The following UPF1 variants were observed in gnomAD, a reference collection of about 807,000 sequenced individuals.
UPF1 encodes the protein UPF1 RNA helicase and ATPase.
In UPF1, 9 loss-of-function variants were observed where a neutral mutation model predicts 129.2. That is an observed-to-expected ratio of 0.07 (90% CI 0.04 to 0.12). The LOEUF (loss-of-function observed/expected upper bound fraction) is 0.12. UPF1 is among the 10% of genes least tolerant of loss of function. The pLI is 1.00. For missense variants in UPF1, 788 were observed against 1,525.3 expected, an observed-to-expected ratio of 0.52 and a Z score of 8.05; for synonymous variants, 649 against 644.9, an observed-to-expected ratio of 1.01 and a Z score of -0.10.
Position 18,864,112 on chromosome 19 carries a change from T to G in UPF1, c.2776-58T>G. On this transcript the variant is annotated intron_variant, in intron 19 of 23. Transcript: ENST00000262803. ...GCCACCTCCCAGGCCACCGGGCCCG[T>G]GGGAAGTTGTTCCTTCTGTTGAGAT... 4 of 1,523,988 alleles carry G rather than the reference T, an allele frequency of 2.6e-6. No homozygotes were observed. The Admixed American group carries it at 6.7e-5, about 26-fold the overall frequency. The allele number at this position is 1,523,988 out of a possible 1,614,324, so 94.4% of individuals were successfully genotyped here.
Position 18,850,552 on chromosome 19 carries a change from T to A in UPF1, c.630-136T>A. 1.0e-6 allele frequency: 1 copy of A among 999,860 alleles called. No individual in the cohort carries two copies. The highest frequency in any genetic ancestry group is 1.8e-5 in the South Asian group (1 of 54,814). The allele number at this position is 999,860 out of a possible 1,614,324, so 61.9% of individuals were successfully genotyped here. A position where few individuals can be genotyped will look rare whatever the true frequency, so the allele number is the denominator to read the frequency against. ...GGGAGATGCGATTTATTACTAACAGTTTGAAGGTAATGTGATCACATAATA... is the reference window on the plus strand; with the variant it reads ...GGGAGATGCGATTTATTACTAACAGATTGAAGGTAATGTGATCACATAATA... On this transcript the variant is annotated intron_variant, in intron 4 of 23. Transcript: ENST00000262803. The surrounding 1 kb of genome is among the most constrained non-coding windows in gnomAD (Gnocchi z 7.1).
At chr19:18,857,615 C>T in intron 15 of UPF1, 82 bp downstream of exon 15, 8 of 1,429,038 alleles carry the variant, frequency 5.6e-6, no homozygotes, top group Non-Finnish European at 7.5e-6. Context: ...GGAACTGGCC[C>T]ATCAGCTTCC....
Position 18,863,161 on chromosome 19 carries a change from T to A in UPF1, c.2601-277T>A, listed in dbSNP as rs1280583048. On this transcript the variant is annotated intron_variant, in intron 18 of 23. Coordinates refer to ENST00000262803, the MANE Select transcript of UPF1 (RefSeq NM_002911.4). ...GCCCCGGTGCCTGGAAGGCCGACTC[T>A]CTTGACAGCAGGTCTTCTCTCCAAA... 17 of 370,544 alleles carry A rather than the reference T, an allele frequency of 4.6e-5. No homozygotes were observed. The Admixed American group carries it at 6.9e-4, about 15-fold the overall frequency. 23.0% of individuals were successfully genotyped at this position (370,544 alleles called of 1,614,324 possible).
intron 3 of UPF1, chr19:18,848,068 T>G (rs1177249788): frequency 2.2e-5 from 10 of 461,506 alleles, no homozygotes; most frequent in Non-Finnish European, 3.9e-5. Flanking sequence ...GTTGGCTTAA[T>G]TCTCCTTCCC....
chr19:18,850,315 C>G lies in UPF1; in HGVS notation c.629+73C>G, dbSNP rs2055644414. On this transcript the variant is annotated intron_variant, in intron 4 of 23. Coordinates refer to ENST00000262803, the MANE Select transcript of UPF1 (RefSeq NM_002911.4). This position sits in a 1 kb window ranked among gnomAD's most constrained non-coding sequence, Gnocchi z 7.1. ...CGTCTCCTCACAAGCCTTGGCCCAG[C>G]CCAGCCCAGCCGTGGCTCTAACTCC... 6.6e-7 allele frequency: 1 copy of G among 1,503,924 alleles called. No individual in the cohort carries two copies. The highest frequency in any genetic ancestry group is 8.9e-7 in the Non-Finnish European group (1 of 1,127,732). The allele number at this position is 1,503,924 out of a possible 1,614,324, so 93.2% of individuals were successfully genotyped here. A position where few individuals can be genotyped will look rare whatever the true frequency, so the allele number is the denominator to read the frequency against.
In UPF1 at chr19:18,835,188, A is replaced by G. The variant is rs1046777394; in HGVS notation, c.231+2748A>G. Among the ~76,000 whole-genome samples the G allele has an allele frequency of 3.9e-5, 6 of 152,124 alleles. No individual in the cohort carries two copies. The East Asian group carries it at 1.2e-3, about 29-fold the overall frequency. On this transcript the variant is annotated intron_variant, in intron 1 of 23. Coordinates refer to ENST00000262803, the MANE Select transcript of UPF1 (RefSeq NM_002911.4). ...CTGGGCATTTCACATCAACGGAATC[A>G]TATCATATATGGTGTTTTGTGTCTG...
intron 1 of UPF1, among the ~76,000 whole-genome samples, chr19:18,835,130 C>T (rs2055470004): frequency 3.9e-5 from 6 of 152,208 alleles, no homozygotes; most frequent in Admixed American, 3.9e-4. Flanking sequence ...CTGGCAACCA[C>T]TCACCTGCTT....
rs769097377 is a variant in UPF1, at chr19:18,856,244, G to A, written c.1768G>A (p.Ala590Thr). ...AGACGAGACTGGGGAGCTGTCGTCTGCCGACGAGAAGCGGTACCGGGCCTT... is the reference window on the plus strand; with the variant it reads ...AGACGAGACTGGGGAGCTGTCGTCTACCGACGAGAAGCGGTACCGGGCCTT... ...LKDETGELSSADEKRYRALKR... is the reference protein window; with the variant it reads ...LKDETGELSSTDEKRYRALKR... Residue 590 changes from alanine (A) to threonine (T), a missense_variant, in exon 13 of 24, where the codon GCC (alanine) becomes ACC (threonine). Physicochemically the swap from Ala to Thr is moderately conservative, Grantham distance 58. Transcript: ENST00000262803. 5.0e-6 allele frequency: 8 copies of A among 1,610,120 alleles called. No homozygotes were observed. The highest frequency in any genetic ancestry group is 6.8e-6 in the Non-Finnish European group (8 of 1,176,976).
chr19:18,832,206 C>G lies in UPF1; in HGVS notation c.-4C>G, dbSNP rs1276570199. 6.5e-7 allele frequency: 1 copy of G among 1,539,118 alleles called. No individual in the cohort carries two copies. Among genetic ancestry groups the G allele is most frequent in the East Asian group, 2.7e-5 (1 of 36,386 alleles). ...CCGGCCCGAGGGCCCTACCCGGAGG[C>G]ACCATGAGCGTGGAGGCGTACGGGC... On this transcript the variant is annotated 5_prime_UTR_variant, in exon 1 of 24. Coordinates refer to ENST00000262803, the MANE Select transcript of UPF1 (RefSeq NM_002911.4). This position sits in a 1 kb window ranked among gnomAD's most constrained non-coding sequence, Gnocchi z 5.6.
chr19:18,850,321 C>T lies in UPF1; in HGVS notation c.629+79C>T. The T allele has an allele frequency of 6.7e-7, 1 of 1,497,162 alleles. No homozygotes were observed. The highest frequency in any genetic ancestry group is 8.9e-7 in the Non-Finnish European group (1 of 1,123,064). 92.7% of individuals were successfully genotyped at this position (1,497,162 alleles called of 1,614,324 possible). On this transcript the variant is annotated intron_variant, in intron 4 of 23. Transcript: ENST00000262803. This position sits in a 1 kb window ranked among gnomAD's most constrained non-coding sequence, Gnocchi z 7.1. ...CTCACAAGCCTTGGCCCAGCCCAGC[C>T]CAGCCGTGGCTCTAACTCCAGGGAG... is the stretch of plus-strand genomic sequence containing the variant.
rs189716081 is a variant in UPF1, at chr19:18,851,008, A to G, written c.810+140A>G. ...ATTCAGGCAGACCTCTGCCACCTCT[A>G]CGTGGAATGACCTCAGGGCACCTTG... is the stretch of plus-strand genomic sequence containing the variant. On this transcript the variant is annotated intron_variant, in intron 5 of 23. Coordinates refer to ENST00000262803, the MANE Select transcript of UPF1 (RefSeq NM_002911.4). This position sits in a 1 kb window ranked among gnomAD's most constrained non-coding sequence, Gnocchi z 4.2. The G allele has an allele frequency of 3.1e-4, 340 of 1,086,130 alleles. 3 individuals carry two copies. In the East Asian group the frequency reaches 6.0e-3, roughly 19 times the overall value. The allele number at this position is 1,086,130 out of a possible 1,614,324, so 67.3% of individuals were successfully genotyped here. A position where few individuals can be genotyped will look rare whatever the true frequency, so the allele number is the denominator to read the frequency against.
At chr19:18,863,257 G>A (rs576218443) in intron 18 of UPF1, 181 bp from the exon 19 acceptor site, 2 of 734,516 alleles carry the variant, frequency 2.7e-6, no homozygotes, top group African/African-American at 3.5e-5. Context: ...CGTGTGCAGG[G>A]TCAGTGGCTT....
chr19:18,860,967 C>T lies in UPF1; in HGVS notation c.2442C>T (p.His814=). The T allele has an allele frequency of 1.3e-6, 2 of 1,583,768 alleles. No homozygotes were observed. The highest frequency in any genetic ancestry group is 1.7e-6 in the Non-Finnish European group (2 of 1,166,026). ...ACATGCAGTTCAGCGGCTCCCTGCA[C>T]ACCAAGCTCTACCAGGTGCGCTGCG... The part of the protein sequence containing the change: ...VQYMQFSGSL[H]TKLYQEVEIA... The change falls in exon 17 of 24, where the codon CAC becomes CAT. Residue 814 remains histidine, a synonymous_variant. Coordinates refer to ENST00000262803, the MANE Select transcript of UPF1 (RefSeq NM_002911.4).
At position 18,865,683 on chromosome 19, in the gene UPF1, C is replaced by T. The variant is rs1395971331; in HGVS notation, c.3142C>T (p.Pro1048Ser). ...AGCCAGCCAGGATGTGGCGTCACAG[C>T]CCTTCTCTCAGGGCGCCCTGACGCA... The part of the protein sequence containing the change: ...SQASQDVASQ[P>S]FSQGALTQGY... Residue 1048 changes from proline to serine, a missense_variant, in exon 22 of 24, where the codon CCC becomes TCC. Coordinates refer to ENST00000262803, the MANE Select transcript of UPF1 (RefSeq NM_002911.4). This position sits in a 1 kb window ranked among gnomAD's most constrained non-coding sequence, Gnocchi z 6.1. The T allele has an allele frequency of 2.5e-6, 4 of 1,613,886 alleles. No homozygotes were observed. The highest frequency in any genetic ancestry group is 3.4e-6 in the Non-Finnish European group (4 of 1,180,028).
intron 2 of UPF1, 37 bp from the exon 3 acceptor site, chr19:18,847,707 G>A (rs764634848): frequency 1.3e-6 from 2 of 1,598,068 alleles, no homozygotes; most frequent in Non-Finnish European, 1.7e-6. Context: ...CAGAGAGCAA[G>A]CTTCCAGCTG....
At chr19:18,849,914 T>C (rs1044571346) in intron 3 of UPF1, 161 bp from the exon 4 acceptor site, 10 of 826,528 alleles carry the variant, frequency 1.2e-5, no homozygotes, top group South Asian at 1.7e-5. Context: ...GGGAGCTAGT[T>C]TGGGGGAGGG....
intron 1 of UPF1, among the ~76,000 whole-genome samples, chr19:18,834,708 A>C (rs1460611314): frequency 6.6e-6 from 1 of 152,206 alleles, no homozygotes; most frequent in African/African-American, 2.4e-5. Context: ...AAGTCTATGA[A>C]TATCATTCAA....
At chr19:18,860,763 C>G in intron 16 of UPF1, 63 bp from the exon 17 acceptor site, 2 of 1,597,048 alleles carry the variant, frequency 1.3e-6, no homozygotes, top group Non-Finnish European at 1.7e-6. Flanking sequence ...CCCTCACGGC[C>G]TCCAGCCTCA....
At chr19:18,858,039 G>A (rs527325366) in intron 15 of UPF1, among the ~76,000 whole-genome samples, 11 of 152,136 alleles carry the variant, frequency 7.2e-5, no homozygotes, top group Non-Finnish European at 1.5e-4. Flanking sequence ...GACTGTGCCC[G>A]GATCACAGTA....
Sources: gnomAD v4.1 joint callset for allele counts (sites outside exome capture counted in the v4.1 genomes callset) on GRCh38, gnomAD v4.1.1 for gene constraint, Gnocchi (gnomAD v3.1) non-coding constraint, MANE v1.5 for transcripts, NCBI Gene and HGNC (gene_info 2026-07-23, HGNC 2026-07-21) for gene names.